CUX1: variants seen among roughly 807,000 people sequenced by gnomAD.
CUX1 encodes the protein protein CASP.
In CUX1, 31 loss-of-function variants were observed where a neutral mutation model predicts 158.8. That is an observed-to-expected ratio of 0.20 (90% CI 0.15 to 0.26). The LOEUF (loss-of-function observed/expected upper bound fraction) is 0.26, where lower values mean the gene tolerates loss of function less well. Ranked by LOEUF, CUX1 falls within the 10% of genes least tolerant of loss-of-function variation. The pLI, the probability that CUX1 is intolerant of heterozygous loss-of-function variation, is 1.00. For missense variants in CUX1, 1,589 were observed against 2,014.6 expected (o/e 0.79, Z 4.04); for synonymous variants, 879 against 862.1 (o/e 1.02, Z -0.34).
intron 10 of CUX1, among the ~76,000 whole-genome samples, chr7:102,175,190 C>T (rs1430454405): frequency 6.6e-6 from 1 of 152,180 alleles, no homozygotes; most frequent in Non-Finnish European, 1.5e-5. Context: ...ACCCGCTGCC[C>T]GGTCCCCACT....
chr7:102,009,479 G>A (rs1023746991), intron 2 of CUX1, among the ~76,000 whole-genome samples: 2 of 152,232 alleles, frequency 1.3e-5, no homozygotes, highest in Admixed American at 6.5e-5. Flanking sequence ...CTCTTTTAGA[G>A]GTGGGATCTT....
chr7:102,203,299 C>T (rs1374090237), intron 18 of CUX1, among the ~76,000 whole-genome samples: 5 of 152,182 alleles, frequency 3.3e-5, no homozygotes, highest in African/African-American at 1.2e-4. Context: ...AGGCACCTTC[C>T]TGAGGGAGCA....
Position 102,252,112 on chromosome 7 carries a change from CTAT to C in CUX1, c.*3075_*3077del. On this transcript the variant is annotated 3_prime_UTR_variant, in exon 24 of 24. Coordinates refer to ENST00000292535, the MANE Select transcript of CUX1 (RefSeq NM_181552.4). Reference sequence around the variant, plus strand: ...TGCAGTTCTGTGTATTTTTTTTCCTCTATTATTTATTTTTTTAAAAAAAATAGA... The same window carrying C: ...TGCAGTTCTGTGTATTTTTTTTCCTCTATTTATTTTTTTAAAAAAAATAGA... 5 of 983,920 alleles carry C rather than the reference CTAT, an allele frequency of 5.1e-6. No homozygotes were observed. Among genetic ancestry groups the C allele is most frequent in the Non-Finnish European group, 6.0e-6 (5 of 828,852 alleles). The allele number at this position is 983,920 out of a possible 1,614,324, so 60.9% of individuals were successfully genotyped here. A position where few individuals can be genotyped will look rare whatever the true frequency, so the allele number is the denominator to read the frequency against.
intron 22 of CUX1, among the ~76,000 whole-genome samples, chr7:102,236,439 G>A (rs112690748): frequency 2.4e-4 from 37 of 152,150 alleles, no homozygotes; most frequent in Non-Finnish European, 3.8e-4. Flanking sequence ...CTTATTTTTC[G>A]TTTTGTTTTT....
intron 2 of CUX1, among the ~76,000 whole-genome samples, chr7:102,021,929 A>G (rs980989244): frequency 5.9e-5 from 9 of 152,114 alleles, no homozygotes; most frequent in African/African-American, 2.2e-4. Flanking sequence ...GCCTCCTTCT[A>G]TGTGTGCATT....
chr7:102,158,943 T>G (rs1351001457), intron 9 of CUX1, among the ~76,000 whole-genome samples: 7 of 152,204 alleles, frequency 4.6e-5, no homozygotes, highest in African/African-American at 1.7e-4. Context: ...TGTAGACATC[T>G]CACCATGGAA....
At chr7:102,280,699 A>G in intron 19 of CUX1, 1 of 1,183,822 alleles carries the variant, frequency 8.4e-7, no homozygotes, top group Non-Finnish European at 1.2e-6. Context: ...GTCTGCAAGA[A>G]CAGCGGGCAG....
intron 4 of CUX1, among the ~76,000 whole-genome samples, chr7:102,074,735 G>A (rs371920710): frequency 1.3e-5 from 2 of 152,196 alleles, no homozygotes; most frequent in Non-Finnish European, 2.9e-5. Flanking sequence ...TCTGACTGCC[G>A]CCTGGACTTT....
rs989047764 is a variant in CUX1 at position 102,257,730 on chromosome 7, G to A, written c.*8688G>A. The A allele has an allele frequency of 3.9e-5, 38 of 984,590 alleles. No homozygotes were observed. The highest frequency in any genetic ancestry group is 1.1e-4 in the East Asian group (1 of 8,806). The allele number at this position is 984,590 out of a possible 1,614,324, so 61.0% of individuals were successfully genotyped here. A position where few individuals can be genotyped will look rare whatever the true frequency, so the allele number is the denominator to read the frequency against. On this transcript the variant is annotated 3_prime_UTR_variant, in exon 24 of 24. Transcript: ENST00000292535. ...CCCCCCACCCCACCCCCACTCTAGC[G>A]TTTTGTCACGTCTTACATTTTAGCA... is the stretch of plus-strand genomic sequence containing the variant.
At position 102,231,576 on chromosome 7, in the gene CUX1, AT is replaced by A. The variant is rs1197645149; in HGVS notation, c.3434-2467del. ...ATAATTTTCCAGGAATAATCATCTG[AT>A]TTTTTTTTCCCCATTCAGCTGGGAG... is the stretch of plus-strand genomic sequence containing the variant. On this transcript the variant is annotated intron_variant, in intron 21 of 23. Transcript: ENST00000292535. 5.9e-5 allele frequency among the ~76,000 whole-genome samples: 9 copies of A among 151,526 alleles called. No homozygotes were observed. The East Asian group carries it at 1.4e-3, about 23-fold the overall frequency.
intron 9 of CUX1, among the ~76,000 whole-genome samples, chr7:102,161,734 C>A (rs1017684008): frequency 2.6e-5 from 4 of 152,172 alleles, no homozygotes; most frequent in Non-Finnish European, 5.9e-5. Flanking sequence ...CCTCAGCCTC[C>A]CAAGTAGCTG....
chr7:101,933,440 TC>T (rs1414745620), intron 2 of CUX1, among the ~76,000 whole-genome samples: 1 of 152,236 alleles, frequency 6.6e-6, no homozygotes, highest in Non-Finnish European at 1.5e-5. Flanking sequence ...TTTACCTTTT[TC>T]CTAGACAAAC....
chr7:101,882,011 C>T (rs1799760551), intron 1 of CUX1, among the ~76,000 whole-genome samples: 2 of 71,552 alleles, frequency 2.8e-5, no homozygotes, highest in African/African-American at 1.1e-4. Flanking sequence ...GACCTTGTCT[C>T]TACCCAAAAA....
chr7:101,953,631 T>C (rs1209297408), intron 2 of CUX1, among the ~76,000 whole-genome samples: 1 of 152,152 alleles, frequency 6.6e-6, no homozygotes, highest in South Asian at 2.1e-4. Context: ...GCTGGCTTAT[T>C]AAAGGCGGAG....
chr7:101,845,764 C>T (rs1274234422), intron 1 of CUX1, among the ~76,000 whole-genome samples: 1 of 152,220 alleles, frequency 6.6e-6, no homozygotes, highest in African/African-American at 2.4e-5. Context: ...TGCCTATAAT[C>T]CCCGCACTTT....
chr7:102,053,635 C>T lies in CUX1; in HGVS notation c.190-16704C>T, dbSNP rs1220401470. ...TAACCATCCTTCTACTTTCTATGTC[C>T]AAGAGTTAAAAATTGTTTTTATGTT... On this transcript the variant is annotated intron_variant, in intron 3 of 23. Transcript: ENST00000292535. 2.0e-5 allele frequency among the ~76,000 whole-genome samples: 3 copies of T among 151,908 alleles called. No individual in the cohort carries two copies. In the East Asian group the frequency reaches 5.8e-4, roughly 29 times the overall value.
At chr7:101,935,365 C>G (rs1187741632) in intron 2 of CUX1, among the ~76,000 whole-genome samples, 2 of 152,206 alleles carry the variant, frequency 1.3e-5, no homozygotes, top group African/African-American at 4.8e-5. Context: ...CACCTGCACC[C>G]AGGTGAAATA....
At position 102,181,343 on chromosome 7, in the gene CUX1, C is replaced by T. The variant is rs147983223; in HGVS notation, c.1017+2686C>T. 6.2e-4 allele frequency among the ~76,000 whole-genome samples: 94 copies of T among 152,210 alleles called. No individual in the cohort carries two copies. The East Asian group carries it at 0.014, about 23-fold the overall frequency. On this transcript the variant is annotated intron_variant, in intron 11 of 23. Coordinates refer to ENST00000292535, the MANE Select transcript of CUX1 (RefSeq NM_181552.4). ...CATTTAATCTCATTTTCTCATGTTACAGCCATTTCTGACCCCAGCAACGGC... is the reference window on the plus strand; with the variant it reads ...CATTTAATCTCATTTTCTCATGTTATAGCCATTTCTGACCCCAGCAACGGC...
chr7:101,967,617 C>T (rs1811397081), intron 2 of CUX1, among the ~76,000 whole-genome samples: 1 of 152,242 alleles, frequency 6.6e-6, no homozygotes, highest in Admixed American at 6.5e-5. Context: ...ACTGCAAACA[C>T]ACATTCTGTT....
Sources: allele counts gnomAD v4.1 joint callset (sites outside exome capture counted in the v4.1 genomes callset), GRCh38; gene constraint gnomAD v4.1.1; transcripts MANE v1.5; gene names NCBI Gene and HGNC (gene_info 2026-07-23, HGNC 2026-07-21).